Variants in DNAH2 observed in about 807,000 individuals in gnomAD.
The protein encoded by DNAH2 is dynein axonemal heavy chain 2.
A neutral mutation model predicts 523.5 loss-of-function variants in DNAH2; 323 were observed. The observed-to-expected ratio is 0.62, with a 90% confidence interval of 0.56 to 0.68. The LOEUF is 0.68. DNAH2 is among the 30% of genes least tolerant of loss of function. DNAH2 has a pLI of 0.00. For missense variants in DNAH2, 4,907 were observed against 5,701.5 expected, an observed-to-expected ratio of 0.86 and a Z score of 4.49; for synonymous variants, 2,093 against 2,177.4, an observed-to-expected ratio of 0.96 and a Z score of 1.08.
intron 59 of DNAH2, 56 bp from the exon 60 acceptor site, chr17:7,804,902 C>A: frequency 1.4e-6 from 2 of 1,461,556 alleles, no homozygotes; most frequent in East Asian, 2.3e-5. Flanking sequence ...AACACCGTCA[C>A]TCCCACCTTT....
At chr17:7,806,730 C>G (rs2077377964) in intron 61 of DNAH2, among the ~76,000 whole-genome samples, 1 of 151,622 alleles carries the variant, frequency 6.6e-6, no homozygotes, top group Admixed American at 6.6e-5. Context: ...GCCCTCAGGC[C>G]CCCAGAGGGG....
intron 77 of DNAH2, 36 bp downstream of exon 77, chr17:7,824,763 A>G (rs1006589147): frequency 3.5e-6 from 5 of 1,445,794 alleles, no homozygotes; most frequent in Non-Finnish European, 4.6e-6. Context: ...CATCAGGGCC[A>G]TCTGGTCCAC....
chr17:7,778,700 C>T (rs1055323529), intron 35 of DNAH2, among the ~76,000 whole-genome samples: 4 of 152,130 alleles, frequency 2.6e-5, no homozygotes, highest in African/African-American at 7.2e-5. Flanking sequence ...TCCTGAGTAG[C>T]TGGGATTACA....
At chr17:7,815,611 C>G (rs923896623) in intron 63 of DNAH2, among the ~76,000 whole-genome samples, 2 of 150,772 alleles carry the variant, frequency 1.3e-5, no homozygotes, top group South Asian at 4.2e-4. Context: ...CATACACATA[C>G]AGGATCACAC....
Position 7,818,737 on chromosome 17 carries a change from G to A in DNAH2, c.10631G>A (p.Gly3544Asp). ...KDSLVINIAAGKRKLKELEDE... is the reference protein window; with the variant it reads ...KDSLVINIAADKRKLKELEDE... ...TCACTGGTCATCAACATCGCGGCTG[G>A]TAAAAGGAAGCTCAAGGAGCTGGAG... The change falls in exon 70 of 86, where the codon GGT becomes GAT. Residue 3544 changes from glycine (G) to aspartate (D), a missense_variant. By Grantham distance (94) the Gly-to-Asp change is moderately conservative (BLOSUM62 -1). Transcript: ENST00000572933. The A allele has an allele frequency of 1.2e-6, 2 of 1,614,068 alleles. No individual in the cohort carries two copies. Among genetic ancestry groups the A allele is most frequent in the Non-Finnish European group, 1.7e-6 (2 of 1,179,992 alleles).
At chr17:7,765,752 G>A (rs558061540) in intron 21 of DNAH2, among the ~76,000 whole-genome samples, 187 bp downstream of exon 21, 1 of 151,976 alleles carries the variant, frequency 6.6e-6, no homozygotes, top group Non-Finnish European at 1.5e-5. Flanking sequence ...GTAGACAGCG[G>A]CGCAGCTCAC....
At position 7,831,956 on chromosome 17, in the gene DNAH2, A is replaced by G. The variant is rs968696006; in HGVS notation, c.12726+181A>G. ...TTCATTGACTGACTTCATACAACTT[A>G]TTAACTTACAGACTCACTCAGGGAA... On this transcript the variant is annotated intron_variant, in intron 82 of 85. Transcript: ENST00000572933. The surrounding 1 kb of genome is among the most constrained non-coding windows in gnomAD (Gnocchi z 4.2). 6.6e-6 allele frequency among the ~76,000 whole-genome samples: 1 copy of G among 152,196 alleles called. No individual in the cohort carries two copies. The highest frequency in any genetic ancestry group is 1.5e-5 in the Non-Finnish European group (1 of 68,036).
chr17:7,796,365 C>T, intron 49 of DNAH2, 99 bp from the exon 50 acceptor site: 1 of 1,364,590 alleles, frequency 7.3e-7, no homozygotes, highest in Non-Finnish European at 9.8e-7. Context: ...TTTTTTTTGA[C>T]ACCCCCTTAA....
At chr17:7,741,303 T>TTTCTTTCTTTC (rs2075331919) in intron 11 of DNAH2, among the ~76,000 whole-genome samples, 1 of 76,808 alleles carries the variant, frequency 1.3e-5, no homozygotes, top group Non-Finnish European at 2.4e-5. Flanking sequence ...TCTTCCTTCC[T>TTTCTTTCTTTC]TCCCTCCCTC....
At chr17:7,735,567 T>TGGCTGATCCAAC (rs2075117883) in intron 7 of DNAH2, among the ~76,000 whole-genome samples, 1 of 151,514 alleles carries the variant, frequency 6.6e-6, no homozygotes, top group African/African-American at 2.4e-5. Flanking sequence ...GCCTCCTGAG[T>TGGCTGATCCAAC]AGCTGGGACT....
At chr17:7,815,704 G>A (rs1343179991) in intron 63 of DNAH2, among the ~76,000 whole-genome samples, 2 of 140,770 alleles carry the variant, frequency 1.4e-5, no homozygotes, top group African/African-American at 2.7e-5. Flanking sequence ...TCACACACAT[G>A]TATACGGGAT....
rs1448534211 is a variant in DNAH2, at chr17:7,833,734, C to G, written c.*201C>G. ...GGAGCTCAGTGCTGTAAAACACCCGCGACAACAAGCCTTAAGTCTCTCAAT... is the reference window on the plus strand; with the variant it reads ...GGAGCTCAGTGCTGTAAAACACCCGGGACAACAAGCCTTAAGTCTCTCAAT... On this transcript the variant is annotated 3_prime_UTR_variant, in exon 86 of 86. Transcript: ENST00000572933. 1.4e-6 allele frequency: 1 copy of G among 737,962 alleles called. No individual in the cohort carries two copies. The highest frequency in any genetic ancestry group is 2.4e-6 in the Non-Finnish European group (1 of 423,334). The allele number at this position is 737,962 out of a possible 1,614,324, so 45.7% of individuals were successfully genotyped here. A position where few individuals can be genotyped will look rare whatever the true frequency, so the allele number is the denominator to read the frequency against.
At position 7,830,791 on chromosome 17, in the gene DNAH2, C is replaced by T; in HGVS notation, c.12179C>T (p.Thr4060Ile). 1 of 1,614,072 alleles carries T rather than the reference C, an allele frequency of 6.2e-7. No homozygotes were observed. The highest frequency in any genetic ancestry group is 8.5e-7 in the Non-Finnish European group (1 of 1,180,034). Residue 4060 changes from threonine to isoleucine, a missense_variant, in exon 79 of 86, where the codon ACC becomes ATC. Thr to Ile is a moderately conservative substitution (Grantham distance 89). Transcript: ENST00000572933. ...GACTGGGACCGGCGCCTGCTGACCA[C>T]CTACATCAATGATTATTTCTGTGAC... ...TDDWDRRLLT[T>I]YINDYFCDQS...
rs151013301 is a variant in DNAH2 at position 7,740,296 on chromosome 17, T to C, written c.1377-124T>C. On this transcript the variant is annotated intron_variant, in intron 9 of 85. Coordinates refer to ENST00000572933, the MANE Select transcript of DNAH2 (RefSeq NM_020877.5). The stretch of plus-strand genomic sequence containing the variant: ...ATTAAATGGATTCATGTAGGTAAAG[T>C]ACTTGGAGTGCCTGGCACACAGGAA... 49 of 1,435,880 alleles carry C rather than the reference T, an allele frequency of 3.4e-5. No homozygotes were observed. In the East Asian group the frequency reaches 1.1e-3, roughly 33 times the overall value. 88.9% of individuals were successfully genotyped at this position (1,435,880 alleles called of 1,614,324 possible).
chr17:7,787,087 T>A (rs2076760690), intron 42 of DNAH2, 54 bp downstream of exon 42: 9 of 1,599,942 alleles, frequency 5.6e-6, no homozygotes, highest in Non-Finnish European at 7.7e-6. Context: ...CCGGAGGGCG[T>A]GGGCCGGGGC....
At chr17:7,797,948 G>A (rs2077112269) in intron 53 of DNAH2, 119 bp downstream of exon 53, 9 of 1,438,070 alleles carry the variant, frequency 6.3e-6, no homozygotes, top group African/African-American at 1.4e-5. Flanking sequence ...CTTTCTCCCT[G>A]GCCCCAGATG....
intron 77 of DNAH2, among the ~76,000 whole-genome samples, chr17:7,825,532 G>C (rs922406589): frequency 6.6e-6 from 1 of 152,014 alleles, no homozygotes; most frequent in South Asian, 2.1e-4. Flanking sequence ...TGCTTTCCCC[G>C]CTGTCTTTTG....
chr17:7,808,477 T>C (rs1447889865), intron 63 of DNAH2, among the ~76,000 whole-genome samples: 1 of 152,226 alleles, frequency 6.6e-6, no homozygotes, highest in African/African-American at 2.4e-5. Context: ...TATCATTTGA[T>C]TTTTTAAATG....
intron 77 of DNAH2, among the ~76,000 whole-genome samples, 153 bp downstream of exon 77, chr17:7,824,880 G>A (rs1443502588): frequency 6.6e-6 from 1 of 152,104 alleles, no homozygotes; most frequent in African/African-American, 2.4e-5. Flanking sequence ...CAAACTCCTA[G>A]AACACAATAA....
Sources: gnomAD v4.1 joint callset for allele counts (sites outside exome capture counted in the v4.1 genomes callset) on GRCh38, gnomAD v4.1.1 for gene constraint, Gnocchi (gnomAD v3.1) non-coding constraint, MANE v1.5 for transcripts, NCBI Gene and HGNC (gene_info 2026-07-23, HGNC 2026-07-21) for gene names.